ERICH6: variants seen among roughly 807,000 people sequenced by gnomAD.
ERICH6 encodes the protein glutamate rich 6, also known as glutamate-rich protein 6.
In ERICH6, 71 loss-of-function variants were observed where a neutral mutation model predicts 71.0. That is an observed-to-expected ratio of 1.00 (90% CI 0.83 to 1.22). The LOEUF (loss-of-function observed/expected upper bound fraction) is 1.22, where lower values mean the gene tolerates loss of function less well. Among genes scored for constraint, ERICH6 ranks in the 50% most tolerant of loss-of-function variants. ERICH6 has a pLI of 0.00. For missense variants in ERICH6, 808 were observed against 797.2 expected (o/e 1.01, Z -0.16); for synonymous variants, 262 against 278.4 (o/e 0.94, Z 0.59).
At chr3:150,675,437 C>T (rs747405387) in intron 10 of ERICH6, among the ~76,000 whole-genome samples, 6 of 152,116 alleles carry the variant, frequency 3.9e-5, no homozygotes, top group Non-Finnish European at 8.8e-5. Context: ...CAACTTCCAC[C>T]CCCTGGGTTC....
At chr3:150,681,021 T>G in intron 7 of ERICH6, 91 bp from the exon 8 acceptor site, 1 of 1,357,666 alleles carries the variant, frequency 7.4e-7, no homozygotes. Context: ...TGGATAACAA[T>G]CCATCATAAG....
intron 7 of ERICH6, among the ~76,000 whole-genome samples, chr3:150,681,988 G>A (rs1711969533): frequency 6.6e-6 from 1 of 151,536 alleles, no homozygotes; most frequent in Non-Finnish European, 1.5e-5. Context: ...CTAATTTTTT[G>A]TATTTTAGTA....
rs777194265 is a variant in ERICH6, at chr3:150,682,185, C to T, written c.882+33G>A. 5 of 1,515,826 alleles carry T rather than the reference C, an allele frequency of 3.3e-6. No homozygotes were observed. The South Asian group carries it at 3.4e-5, about 10-fold the overall frequency. The allele number at this position is 1,515,826 out of a possible 1,614,324, so 93.9% of individuals were successfully genotyped here. On this transcript the variant is annotated intron_variant, in intron 7 of 13. Coordinates refer to ENST00000295910, the MANE Select transcript of ERICH6 (RefSeq NM_152394.5). ...ATACTACATATGTTTAAAGATAATACTATTTCCACAGTAAACCTGACTTAG... is the reference window on the plus strand; with the variant it reads ...ATACTACATATGTTTAAAGATAATATTATTTCCACAGTAAACCTGACTTAG...
intron 11 of ERICH6, among the ~76,000 whole-genome samples, chr3:150,672,999 C>T (rs371228917): frequency 6.6e-6 from 1 of 151,922 alleles, no homozygotes; most frequent in East Asian, 1.9e-4. Flanking sequence ...CACTCTAACC[C>T]GGGCCTCACA....
intron 11 of ERICH6, among the ~76,000 whole-genome samples, chr3:150,673,063 T>C (rs1711527623): frequency 6.6e-6 from 1 of 152,070 alleles, no homozygotes; most frequent in South Asian, 2.1e-4. Context: ...ATCTTTTCTT[T>C]GGGTGGTAGA....
intron 3 of ERICH6, among the ~76,000 whole-genome samples, chr3:150,698,490 GAT>G (rs1447719221): frequency 1.3e-5 from 2 of 152,116 alleles, no homozygotes; most frequent in Non-Finnish European, 2.9e-5. Flanking sequence ...AAAAAATAAA[GAT>G]ATGTATCAAA....
chr3:150,685,639 T>G, intron 6 of ERICH6, 103 bp downstream of exon 6: 2 of 1,016,808 alleles, frequency 2.0e-6, no homozygotes, highest in Non-Finnish European at 2.9e-6. Context: ...TGGCTTTTTT[T>G]TTTTTTCCTT....
In ERICH6 at chr3:150,702,157, G is replaced by A. The variant is rs984686716; in HGVS notation, c.425C>T (p.Thr142Ile). ...SHKSFPKIFQ[T>I]FRKDMSEMSI... ...CATTTCAGACATGTCTTTCCTAAAT[G>A]TCTGAAATATTTTAGGGAAACCTGT... The change falls in exon 2 of 14, where the codon ACA becomes ATA. Residue 142 changes from threonine to isoleucine, a missense_variant. Physicochemically the swap from Thr to Ile is moderately conservative, Grantham distance 89. Transcript: ENST00000295910. 6.3e-7 allele frequency: 1 copy of A among 1,575,832 alleles called. No homozygotes were observed. Among genetic ancestry groups the A allele is most frequent in the East Asian group, 2.3e-5 (1 of 44,384 alleles).
intron 2 of ERICH6, among the ~76,000 whole-genome samples, chr3:150,701,912 T>C (rs1559923148): frequency 6.6e-6 from 1 of 152,186 alleles, no homozygotes; most frequent in Non-Finnish European, 1.5e-5. Context: ...TAAGTGGACA[T>C]GTAATCTCTA....
chr3:150,685,675 G>A, intron 6 of ERICH6, 67 bp downstream of exon 6: 1 of 1,266,792 alleles, frequency 7.9e-7, no homozygotes. Context: ...TGTCTATTGT[G>A]CAAATCATTA....
chr3:150,666,787 C>T lies in ERICH6; in HGVS notation c.1728G>A (p.Lys576=), dbSNP rs1286590829. Residue 576 remains lysine (K), a splice_region_variant and synonymous_variant, in exon 13 of 14, where the codon AAG becomes AAA. Transcript: ENST00000295910. ...AAACTGTTTTTAAAAATGTACCTACCTTCACTTTGGTTCCAACACTGATTC... is the reference window on the plus strand; with the variant it reads ...AAACTGTTTTTAAAAATGTACCTACTTTCACTTTGGTTCCAACACTGATTC... ...QARISVGTKV[K]LPNPEEIPIL... is the part of the protein sequence containing the mutation. The T allele has an allele frequency of 1.9e-6, 3 of 1,612,612 alleles. No homozygotes were observed. The highest frequency in any genetic ancestry group is 2.5e-6 in the Non-Finnish European group (3 of 1,179,358).
chr3:150,683,470 AG>A (rs1430032025), intron 6 of ERICH6, among the ~76,000 whole-genome samples: 2 of 152,190 alleles, frequency 1.3e-5, no homozygotes, highest in Non-Finnish European at 2.9e-5. Flanking sequence ...ATACTTCAAA[AG>A]ACCATGAGGG....
At chr3:150,696,699 G>A (rs992990039) in intron 3 of ERICH6, among the ~76,000 whole-genome samples, 1 of 151,934 alleles carries the variant, frequency 6.6e-6, no homozygotes. Flanking sequence ...GCTCAACCTC[G>A]GCAATAATCT....
chr3:150,681,368 C>T (rs1711925368), intron 7 of ERICH6, among the ~76,000 whole-genome samples: 2 of 152,222 alleles, frequency 1.3e-5, no homozygotes. Flanking sequence ...TGACATGTTT[C>T]AGTACTTCAC....
At chr3:150,694,554 G>A (rs764046609) in intron 3 of ERICH6, among the ~76,000 whole-genome samples, 5 of 152,088 alleles carry the variant, frequency 3.3e-5, no homozygotes, top group Admixed American at 6.6e-5. Flanking sequence ...CTACCTGCTC[G>A]TTTTCTCCTG....
intron 6 of ERICH6, among the ~76,000 whole-genome samples, chr3:150,685,435 C>G (rs1267905165): frequency 1.3e-5 from 2 of 152,124 alleles, no homozygotes; most frequent in Non-Finnish European, 2.9e-5. Flanking sequence ...CCACCACAAG[C>G]TAGGAAGAGG....
At chr3:150,680,104 G>A (rs1378120045) in intron 9 of ERICH6, among the ~76,000 whole-genome samples, 1 of 152,212 alleles carries the variant, frequency 6.6e-6, no homozygotes, top group Non-Finnish European at 1.5e-5. Context: ...TTATTTCAAT[G>A]AATAATAACA....
At chr3:150,701,430 G>C (rs528393602) in intron 2 of ERICH6, among the ~76,000 whole-genome samples, 1 of 152,280 alleles carries the variant, frequency 6.6e-6, no homozygotes, top group African/African-American at 2.4e-5. Context: ...AGAAGGGCAT[G>C]AGATTTTCAT....
intron 3 of ERICH6, among the ~76,000 whole-genome samples, chr3:150,697,633 C>T (rs941320154): frequency 5.3e-5 from 8 of 152,166 alleles, no homozygotes; most frequent in African/African-American, 1.9e-4. Flanking sequence ...GTATCTAGGA[C>T]ACTTCCTGGT....
Sources: gnomAD v4.1 joint callset for allele counts (sites outside exome capture counted in the v4.1 genomes callset) on GRCh38, gnomAD v4.1.1 for gene constraint, MANE v1.5 for transcripts, NCBI Gene and HGNC (gene_info 2026-07-23, HGNC 2026-07-21) for gene names.